Variants in KIF11 observed in about 807,000 individuals in gnomAD.
The protein encoded by KIF11 is kinesin-like protein KIF11.
KIF11 carries 9 observed loss-of-function variants against 121.0 expected under a neutral mutation model. The observed-to-expected ratio is 0.07, with a 90% CI of 0.04 to 0.13. The LOEUF (loss-of-function observed/expected upper bound fraction) is 0.13, where lower values mean the gene tolerates loss of function less well. KIF11 is among the 10% of genes least tolerant of loss of function. KIF11 has a pLI of 1.00. For missense variants in KIF11, 846 were observed against 1,217.5 expected (o/e 0.69, Z 4.54); for synonymous variants, 408 against 421.0 (o/e 0.97, Z 0.38).
At chr10:92,630,666 G>A (rs7073739) in intron 12 of KIF11, among the ~76,000 whole-genome samples, 11,779 of 151,782 alleles carry the variant, frequency 0.078, 1,071 homozygotes, top group African/African-American at 0.22. Context: ...TCAGGTGTTC[G>A]AGACCAGCCT....
intron 9 of KIF11, among the ~76,000 whole-genome samples, chr10:92,618,100 T>A (rs576724145): frequency 1.1e-4 from 16 of 152,312 alleles, no homozygotes; most frequent in Admixed American, 2.6e-4. Context: ...TTTCTTGTGC[T>A]TATTATCTAT....
chr10:92,593,287 G>C lies in KIF11; in HGVS notation c.-89G>C. ...GCCAGCGCCCGAGAGGGACCAGGGAGACTCCGGCCCCTGTCGGCCGCCAAG... is the reference window on the plus strand; with the variant it reads ...GCCAGCGCCCGAGAGGGACCAGGGACACTCCGGCCCCTGTCGGCCGCCAAG... On this transcript the variant is annotated 5_prime_UTR_variant, in exon 1 of 22. Coordinates refer to ENST00000260731, the MANE Select transcript of KIF11 (RefSeq NM_004523.4). The C allele has an allele frequency of 2.2e-6, 3 of 1,359,756 alleles. No individual in the cohort carries two copies. The highest frequency in any genetic ancestry group is 3.0e-6 in the Non-Finnish European group (3 of 986,480). 84.2% of individuals were successfully genotyped at this position (1,359,756 alleles called of 1,614,324 possible). A position where few individuals can be genotyped will look rare whatever the true frequency, so the allele number is the denominator to read the frequency against.
At chr10:92,652,436 G>A (rs949414435) in intron 21 of KIF11, among the ~76,000 whole-genome samples, 8 of 151,992 alleles carry the variant, frequency 5.3e-5, no homozygotes, top group East Asian at 3.9e-4. Flanking sequence ...CACCGCGCTC[G>A]GCCTGTAACT....
rs75382300 is a variant in KIF11 at position 92,621,128 on chromosome 10, A to G, written c.1129-257A>G. Among the ~76,000 whole-genome samples the G allele has an allele frequency of 0.088, 13,373 of 152,172 alleles. 671 individuals carry two copies. The highest frequency in any genetic ancestry group is 0.11 in the Middle Eastern group (33 of 294). On this transcript the variant is annotated intron_variant, in intron 9 of 21. Transcript: ENST00000260731. ...ATTTTAGTGTGAATTACTCCTACCA[A>G]CCTGGGTACTGGAGGTTGTGGTTTT...
chr10:92,628,726 C>T lies in KIF11; in HGVS notation c.1218-82C>T, dbSNP rs559053601. Reference sequence around the variant, plus strand: ...AAATGTTGGAAATGAGTTTGTGTAGCTGTCACAATTGTGTTAGAATACATT... The same window carrying T: ...AAATGTTGGAAATGAGTTTGTGTAGTTGTCACAATTGTGTTAGAATACATT... On this transcript the variant is annotated intron_variant, in intron 10 of 21. Coordinates refer to ENST00000260731, the MANE Select transcript of KIF11 (RefSeq NM_004523.4). The T allele has an allele frequency of 1.6e-5, 11 of 670,820 alleles. No individual in the cohort carries two copies. In the East Asian group the frequency reaches 3.3e-4, roughly 20 times the overall value. The allele number at this position is 670,820 out of a possible 1,614,324, so 41.6% of individuals were successfully genotyped here.
At chr10:92,611,939 A>G (rs1666622611) in intron 6 of KIF11, among the ~76,000 whole-genome samples, 1 of 152,166 alleles carries the variant, frequency 6.6e-6, no homozygotes, top group African/African-American at 2.4e-5. Flanking sequence ...AAGTAACATG[A>G]AAGTACAAAG....
rs1845013947 is a variant in KIF11 at position 92,653,749 on chromosome 10, T to C, written c.3124T>C (p.Leu1042=). ...TAAAGTGGAAGAAACTACAGAGCAC[T>C]TGGTTACAAAGAGCAGATTACCTCT... is the stretch of plus-strand genomic sequence containing the variant. ...RSKVEETTEH[L]VTKSRLPLRA... is the part of the protein sequence containing the mutation. The change falls in exon 22 of 22, where the codon TTG becomes CTG. Residue 1042 remains leucine, a synonymous_variant. Coordinates refer to ENST00000260731, the MANE Select transcript of KIF11 (RefSeq NM_004523.4). The C allele has an allele frequency of 1.2e-6, 2 of 1,613,964 alleles. No homozygotes were observed. Among genetic ancestry groups the C allele is most frequent in the South Asian group, 2.2e-5 (2 of 91,078 alleles).
At chr10:92,651,547 T>G (rs1844984221) in intron 21 of KIF11, among the ~76,000 whole-genome samples, 1 of 118,038 alleles carries the variant, frequency 8.5e-6, no homozygotes, top group African/African-American at 3.7e-5. Context: ...TTTTTTTTTT[T>G]TAGTAGAGGG....
At chr10:92,643,113 T>C (rs1844882488) in intron 17 of KIF11, among the ~76,000 whole-genome samples, 1 of 152,124 alleles carries the variant, frequency 6.6e-6, no homozygotes, top group African/African-American at 2.4e-5. Context: ...GGTTTCACCA[T>C]GTTGGCCAGG....
intron 10 of KIF11, among the ~76,000 whole-genome samples, chr10:92,626,680 A>G (rs974368697): frequency 3.9e-5 from 6 of 152,202 alleles, no homozygotes; most frequent in African/African-American, 9.6e-5. Context: ...ATGTTGTATT[A>G]CCCCTTGGCA....
intron 1 of KIF11, among the ~76,000 whole-genome samples, chr10:92,600,166 G>A (rs940997023): frequency 3.3e-5 from 5 of 151,214 alleles, no homozygotes; most frequent in African/African-American, 9.7e-5. Flanking sequence ...CACCATGCCC[G>A]GCCAATTTTT....
chr10:92,646,772 G>A (rs1042673982), intron 18 of KIF11, among the ~76,000 whole-genome samples: 1 of 152,116 alleles, frequency 6.6e-6, no homozygotes, highest in Non-Finnish European at 1.5e-5. Context: ...TCATGCTAGG[G>A]AAGCAACACA....
chr10:92,605,822 GA>G (rs1844424933), intron 1 of KIF11, among the ~76,000 whole-genome samples: 1 of 151,490 alleles, frequency 6.6e-6, no homozygotes, highest in Admixed American at 6.6e-5. Flanking sequence ...ATGGAATTCT[GA>G]AAAATAAGTT....
At chr10:92,648,465 T>G (rs1844944866) in intron 19 of KIF11, 31 bp downstream of exon 19, 2 of 1,412,394 alleles carry the variant, frequency 1.4e-6, no homozygotes, top group South Asian at 1.3e-5. Context: ...AATTGTTAAA[T>G]TTTTTGAAGT....
At chr10:92,619,078 G>A (rs1844592039) in intron 9 of KIF11, among the ~76,000 whole-genome samples, 1 of 152,004 alleles carries the variant, frequency 6.6e-6, no homozygotes, top group Non-Finnish European at 1.5e-5. Context: ...GTGCAGTGGT[G>A]CGATCTCAGC....
At position 92,647,270 on chromosome 10, in the gene KIF11, T is replaced by C. The variant is rs200609857; in HGVS notation, c.2548-942T>C. ...TGTCTTCAGCAACAAGTTTTTTTTT[T>C]CAAGGGAAAAAATATGAGAAACAAT... is the stretch of plus-strand genomic sequence containing the variant. On this transcript the variant is annotated intron_variant, in intron 18 of 21. Transcript: ENST00000260731. Among the ~76,000 whole-genome samples the C allele has an allele frequency of 1.2e-4, 19 of 152,206 alleles. No homozygotes were observed. The East Asian group carries it at 2.9e-3, about 23-fold the overall frequency.
At chr10:92,653,135 C>G (rs1845005713) in intron 21 of KIF11, among the ~76,000 whole-genome samples, 2 of 152,200 alleles carry the variant, frequency 1.3e-5, no homozygotes, top group South Asian at 4.1e-4. Context: ...ACAGAATTGG[C>G]TTTTCTGCAT....
chr10:92,594,871 A>AT (rs11429679), intron 1 of KIF11, among the ~76,000 whole-genome samples: 22,537 of 150,584 alleles, frequency 0.15, 3,552 homozygotes, highest in African/African-American at 0.4. Context: ...GTGTAAAGAG[A>AT]TTTTTTTTTT....
At chr10:92,620,322 C>T (rs914812276) in intron 9 of KIF11, among the ~76,000 whole-genome samples, 5 of 151,998 alleles carry the variant, frequency 3.3e-5, no homozygotes, top group Admixed American at 6.6e-5. Context: ...CCTTGTGATC[C>T]GCCCGCCTCG....
Sources: allele counts gnomAD v4.1 joint callset (sites outside exome capture counted in the v4.1 genomes callset), GRCh38; gene constraint gnomAD v4.1.1; transcripts MANE v1.5; gene names NCBI Gene and HGNC (gene_info 2026-07-23, HGNC 2026-07-21).